SDK1: variants seen among roughly 807,000 people sequenced by gnomAD.
SDK1 encodes the protein sidekick cell adhesion molecule 1, also known as protein sidekick-1.
In SDK1, 157 loss-of-function variants were observed where a neutral mutation model predicts 245.5. The observed-to-expected ratio is 0.64, with a 90% confidence interval of 0.56 to 0.73. The LOEUF (loss-of-function observed/expected upper bound fraction) is 0.73, where lower values mean the gene tolerates loss of function less well. Among genes scored for constraint, SDK1 ranks in the 30% least tolerant of loss-of-function variants. The pLI, the probability that SDK1 is intolerant of heterozygous loss-of-function variation, is 0.00. For missense variants in SDK1, 3,583 were observed against 3,002.3 expected (o/e 1.19, Z -4.52); for synonymous variants, 1,647 against 1,278.5 (o/e 1.29, Z -6.15).
intron 4 of SDK1, among the ~76,000 whole-genome samples, chr7:3,744,644 T>C (rs1443574935): frequency 6.6e-6 from 1 of 152,040 alleles, no homozygotes; most frequent in Non-Finnish European, 1.5e-5. Flanking sequence ...ACCCCGTCTC[T>C]ACTACAAATA....
At chr7:4,240,568 G>A (rs370449858) in intron 42 of SDK1, among the ~76,000 whole-genome samples, 1 of 152,130 alleles carries the variant, frequency 6.6e-6, no homozygotes, top group Admixed American at 6.5e-5. Context: ...CACGTCAAAG[G>A]GGGGCCAGGT....
At chr7:3,673,325 G>C (rs1303682458) in intron 4 of SDK1, among the ~76,000 whole-genome samples, 1 of 152,158 alleles carries the variant, frequency 6.6e-6, no homozygotes, top group Non-Finnish European at 1.5e-5. Flanking sequence ...AGATCGGAGA[G>C]CTAGACAGTG....
At chr7:4,102,500 C>T (rs1045822972) in intron 22 of SDK1, among the ~76,000 whole-genome samples, 3 of 152,170 alleles carry the variant, frequency 2.0e-5, no homozygotes, top group African/African-American at 7.2e-5. Context: ...CACCTCCTCA[C>T]GTCCCTCCTC....
chr7:4,060,869 G>A (rs1477988360), intron 19 of SDK1, among the ~76,000 whole-genome samples: 11 of 152,040 alleles, frequency 7.2e-5, no homozygotes, highest in Non-Finnish European at 1.2e-4. Context: ...TGGCTAGCCA[G>A]TTTTCCCAGC....
intron 4 of SDK1, among the ~76,000 whole-genome samples, chr7:3,774,699 T>C (rs1241572414): frequency 6.6e-6 from 1 of 152,194 alleles, no homozygotes. Context: ...CCCAGAATCA[T>C]CCTCTGTATC....
chr7:3,691,458 C>T (rs1013230473), intron 4 of SDK1, among the ~76,000 whole-genome samples: 3 of 152,086 alleles, frequency 2.0e-5, no homozygotes, highest in African/African-American at 4.8e-5. Flanking sequence ...ACTTTGCTTC[C>T]GTTACAGGAC....
intron 1 of SDK1, among the ~76,000 whole-genome samples, chr7:3,577,873 G>A (rs187881246): frequency 6.6e-6 from 1 of 151,974 alleles, no homozygotes; most frequent in Non-Finnish European, 1.5e-5. Context: ...TGTCATGTCC[G>A]TACGCCTTAG....
chr7:4,191,415 C>T (rs1018806751), intron 35 of SDK1, among the ~76,000 whole-genome samples: 2 of 152,240 alleles, frequency 1.3e-5, no homozygotes, highest in Admixed American at 6.5e-5. Context: ...GAGCATCGCG[C>T]GGTGCCCGCT....
chr7:3,949,769 A>G (rs941931004), intron 5 of SDK1, among the ~76,000 whole-genome samples: 7 of 152,224 alleles, frequency 4.6e-5, no homozygotes, highest in Non-Finnish European at 1.0e-4. Context: ...CCTTGTCACC[A>G]GAAGTACGAG....
At chr7:3,857,686 C>CAAA (rs76491789) in intron 5 of SDK1, among the ~76,000 whole-genome samples, 1,963 of 138,634 alleles carry the variant, frequency 0.014, 48 homozygotes, top group African/African-American at 0.052. Flanking sequence ...GACCCTGTCT[C>CAAA]AAAAAAAAAA....
intron 1 of SDK1, among the ~76,000 whole-genome samples, chr7:3,409,094 T>G (rs1583815376): frequency 6.6e-6 from 1 of 152,184 alleles, no homozygotes; most frequent in South Asian, 2.1e-4. Context: ...CCTTGAGATA[T>G]GAGTTGGCTT....
chr7:3,899,624 C>A (rs1781714662), intron 5 of SDK1, among the ~76,000 whole-genome samples: 1 of 152,234 alleles, frequency 6.6e-6, no homozygotes, highest in Non-Finnish European at 1.5e-5. Context: ...GTTCCTCCTC[C>A]CTCCCAGGCC....
At chr7:3,615,754 C>T (rs1046975795) in intron 1 of SDK1, among the ~76,000 whole-genome samples, 1 of 151,710 alleles carries the variant, frequency 6.6e-6, no homozygotes, top group Non-Finnish European at 1.5e-5. Flanking sequence ...AAGCGGATCA[C>T]TGCAGTGGCC....
At chr7:3,555,796 A>G (rs939877358) in intron 1 of SDK1, among the ~76,000 whole-genome samples, 1 of 152,188 alleles carries the variant, frequency 6.6e-6, no homozygotes, top group African/African-American at 2.4e-5. Context: ...AAGACATACA[A>G]ATGGCAAACA....
At chr7:3,524,064 C>T (rs1783034637) in intron 1 of SDK1, among the ~76,000 whole-genome samples, 1 of 152,102 alleles carries the variant, frequency 6.6e-6, no homozygotes. Context: ...TTGGTTCGTT[C>T]AACAAATATT....
At chr7:3,489,353 T>C (rs184245318) in intron 1 of SDK1, among the ~76,000 whole-genome samples, 4 of 152,378 alleles carry the variant, frequency 2.6e-5, no homozygotes, top group Admixed American at 2.6e-4. Flanking sequence ...ATTGAGCGTA[T>C]TGTGGAAATT....
Position 3,510,106 on chromosome 7 carries a change from G to A in SDK1, c.299-108974G>A, listed in dbSNP as rs773461215. 8.5e-5 allele frequency among the ~76,000 whole-genome samples: 13 copies of A among 152,128 alleles called. No homozygotes were observed. The South Asian group carries it at 1.2e-3, about 15-fold the overall frequency. On this transcript the variant is annotated intron_variant, in intron 1 of 44. Transcript: ENST00000404826. Reference sequence around the variant, plus strand: ...CTTGTTCCTCCAGTGTTTCCTAAGCGTCGACCTTATCAAAAGTAGGTCTGA... The same window carrying A: ...CTTGTTCCTCCAGTGTTTCCTAAGCATCGACCTTATCAAAAGTAGGTCTGA...
intron 22 of SDK1, among the ~76,000 whole-genome samples, chr7:4,081,595 A>G (rs1781062316): frequency 6.6e-6 from 1 of 151,664 alleles, no homozygotes; most frequent in South Asian, 2.1e-4. Context: ...AATTTTTTGT[A>G]TTTTAGTAGA....
chr7:4,176,250 ACTC>A (rs1782204348), intron 34 of SDK1, among the ~76,000 whole-genome samples: 1 of 151,004 alleles, frequency 6.6e-6, no homozygotes, highest in Admixed American at 6.6e-5. Flanking sequence ...GCAGCCTTGA[ACTC>A]CTGGCTCAAG....
Sources: gnomAD v4.1 joint callset for allele counts (sites outside exome capture counted in the v4.1 genomes callset) on GRCh38, gnomAD v4.1.1 for gene constraint, MANE v1.5 for transcripts, NCBI Gene and HGNC (gene_info 2026-07-23, HGNC 2026-07-21) for gene names.